The following CYTH3 variants were observed in gnomAD, a reference collection of about 807,000 sequenced individuals.
The protein encoded by CYTH3 is cytohesin 3, also known as cytohesin-3.
CYTH3 carries 23 observed loss-of-function variants against 55.1 expected under a neutral mutation model. The observed-to-expected ratio is 0.42, with a 90% CI of 0.30 to 0.59. The LOEUF is 0.59. Among genes scored for constraint, CYTH3 ranks in the 20% least tolerant of loss-of-function variants. The pLI is 0.20. For synonymous variants in CYTH3, 249 were observed against 194.9 expected, an observed-to-expected ratio of 1.28 and a Z score of -2.31; for missense variants, 413 against 524.8, an observed-to-expected ratio of 0.79 and a Z score of 2.08.
chr7:6,244,987 TTTTTTTGTA>T (rs1779770125), intron 1 of CYTH3, among the ~76,000 whole-genome samples: 1 of 117,256 alleles, frequency 8.5e-6, no homozygotes, highest in Non-Finnish European at 1.7e-5. Context: ...TTTTTTTTTT[TTTTTTTGTA>T]TTTTTAGTAG....
At chr7:6,199,283 A>C (rs1047099803) in intron 1 of CYTH3, among the ~76,000 whole-genome samples, 1 of 152,192 alleles carries the variant, frequency 6.6e-6, no homozygotes, top group Non-Finnish European at 1.5e-5. Flanking sequence ...TAAAGTACTT[A>C]AGTGTGGACC....
At chr7:6,253,271 G>C (rs1780018043) in intron 1 of CYTH3, among the ~76,000 whole-genome samples, 1 of 149,858 alleles carries the variant, frequency 6.7e-6, no homozygotes, top group Non-Finnish European at 1.5e-5. Flanking sequence ...AGGCTGGAGT[G>C]CACTGGCAGA....
chr7:6,219,025 A>C (rs112795692), intron 1 of CYTH3, among the ~76,000 whole-genome samples: 105 of 150,290 alleles, frequency 7.0e-4, no homozygotes, highest in African/African-American at 2.4e-3. Flanking sequence ...AAAAAAAAAA[A>C]AACTGCCACT....
chr7:6,165,834 G>A, intron 9 of CYTH3, 24 bp from the exon 10 acceptor site: 8 of 1,613,390 alleles, frequency 5.0e-6, no homozygotes, highest in Non-Finnish European at 6.8e-6. Context: ...GGCCCCGTGA[G>A]TCTGCGCTCC....
chr7:6,187,781 T>C, intron 2 of CYTH3, 60 bp from the exon 3 acceptor site: 12 of 1,423,382 alleles, frequency 8.4e-6, no homozygotes, highest in Non-Finnish European at 1.2e-5. Context: ...CCCCTGAGAC[T>C]CAGAAATTTT....
At chr7:6,179,756 C>CCCACCACA (rs1455190095) in intron 4 of CYTH3, among the ~76,000 whole-genome samples, 6 of 126,838 alleles carry the variant, frequency 4.7e-5, no homozygotes, top group East Asian at 2.4e-4. Flanking sequence ...ACCCCACACC[C>CCCACCACA]CCACCACACA....
intron 1 of CYTH3, among the ~76,000 whole-genome samples, chr7:6,261,750 C>T (rs1018975063): frequency 6.6e-6 from 1 of 150,808 alleles, no homozygotes; most frequent in Non-Finnish European, 1.5e-5. Flanking sequence ...TAACTGCCTG[C>T]CAAATCCTCA....
At chr7:6,180,477 G>A (rs894128309) in intron 4 of CYTH3, among the ~76,000 whole-genome samples, 6 of 152,208 alleles carry the variant, frequency 3.9e-5, no homozygotes, top group Non-Finnish European at 7.3e-5. Context: ...AGGTGCCCAC[G>A]GCTGTGGAGA....
intron 1 of CYTH3, among the ~76,000 whole-genome samples, chr7:6,261,158 G>A (rs1313104672): frequency 1.3e-5 from 2 of 152,122 alleles, no homozygotes; most frequent in African/African-American, 4.8e-5. Context: ...CCAATCACCG[G>A]GGCCCCTTTT....
chr7:6,262,020 A>C (rs1258190091), intron 1 of CYTH3, among the ~76,000 whole-genome samples: 1 of 152,232 alleles, frequency 6.6e-6, no homozygotes, highest in Non-Finnish European at 1.5e-5. Context: ...ATCTTTAAAA[A>C]AAATCAAGAA....
chr7:6,208,733 G>C (rs376339413), intron 1 of CYTH3, among the ~76,000 whole-genome samples: 1 of 152,088 alleles, frequency 6.6e-6, no homozygotes, highest in African/African-American at 2.4e-5. Flanking sequence ...TAGAGATGGG[G>C]TCTTGCTATG....
chr7:6,266,791 C>T (rs531527602), intron 1 of CYTH3, among the ~76,000 whole-genome samples: 1 of 152,324 alleles, frequency 6.6e-6, no homozygotes, highest in East Asian at 1.9e-4. Context: ...TAGCATAATA[C>T]ATGATTATTT....
At chr7:6,194,216 A>G (rs1333392303) in intron 1 of CYTH3, among the ~76,000 whole-genome samples, 1 of 152,272 alleles carries the variant, frequency 6.6e-6, no homozygotes, top group African/African-American at 2.4e-5. Flanking sequence ...AGAAAGTGAC[A>G]AGGCAAGGCA....
At chr7:6,187,257 C>G (rs1247936287) in intron 3 of CYTH3, 141 bp from the exon 4 acceptor site, 4 of 800,948 alleles carry the variant, frequency 5.0e-6, no homozygotes, top group Non-Finnish European at 8.3e-6. Context: ...CCCCAGTCTC[C>G]GCAGTGGCGG....
intron 1 of CYTH3, among the ~76,000 whole-genome samples, chr7:6,247,872 C>T (rs1038050094): frequency 7.9e-5 from 12 of 151,812 alleles, no homozygotes; most frequent in South Asian, 2.1e-4. Context: ...AGGCTGGTCT[C>T]GAACTCCTGG....
Position 6,164,853 on chromosome 7 carries a change from T to G in CYTH3, c.*91A>C, listed in dbSNP as rs769513787. ...GCAGCAGCTTGCACCGCAGGGCGACTGCCTCCCTGCCACGCCTTCCGCGGA... is the reference window on the plus strand; with the variant it reads ...GCAGCAGCTTGCACCGCAGGGCGACGGCCTCCCTGCCACGCCTTCCGCGGA... On this transcript the variant is annotated 3_prime_UTR_variant, in exon 13 of 13. Transcript: ENST00000350796. 9.3e-6 allele frequency: 13 copies of G among 1,398,992 alleles called. No individual in the cohort carries two copies. The highest frequency in any genetic ancestry group is 1.4e-5 in the African/African-American group (1 of 70,738). 86.7% of individuals were successfully genotyped at this position (1,398,992 alleles called of 1,614,324 possible).
chr7:6,237,720 CA>C (rs527986469), intron 1 of CYTH3, among the ~76,000 whole-genome samples: 6 of 150,700 alleles, frequency 4.0e-5, no homozygotes, highest in Admixed American at 6.6e-5. Context: ...AAAATAACAA[CA>C]AAAAAAAACC....
chr7:6,196,189 A>G (rs1401324748), intron 1 of CYTH3, among the ~76,000 whole-genome samples: 3 of 152,162 alleles, frequency 2.0e-5, no homozygotes, highest in Non-Finnish European at 2.9e-5. Context: ...GCTCCACCTG[A>G]CATTTTACTG....
chr7:6,239,263 G>C (rs552412123), intron 1 of CYTH3, among the ~76,000 whole-genome samples: 17 of 152,200 alleles, frequency 1.1e-4, no homozygotes, highest in African/African-American at 3.4e-4. Context: ...GAGGAGAGAA[G>C]AGGGAAATGG....
Sources: gnomAD v4.1 joint callset for allele counts (sites outside exome capture counted in the v4.1 genomes callset) on GRCh38, gnomAD v4.1.1 for gene constraint, MANE v1.5 for transcripts, NCBI Gene and HGNC (gene_info 2026-07-23, HGNC 2026-07-21) for gene names.